The following SNRPN variants were observed in gnomAD, a reference collection of about 807,000 sequenced individuals.
SNRPN encodes the protein small nuclear ribonucleoprotein polypeptide N.
Under a neutral mutation model 25.2 loss-of-function variants are expected in SNRPN, and 7 were observed. The ratio of observed to expected loss-of-function variants is 0.28; its 90% CI spans 0.16 to 0.52. SNRPN has a LOEUF of 0.52. Ranked by LOEUF, SNRPN falls within the 20% of genes least tolerant of loss-of-function variation. The pLI is 0.96. For missense variants in SNRPN, 196 were observed against 322.5 expected (o/e 0.61, Z 3.00); for synonymous variants, 124 against 110.6 (o/e 1.12, Z -0.76).
intron 3 of SNRPN, among the ~76,000 whole-genome samples, chr15:24,933,121 T>C (rs925794026): frequency 8.6e-5 from 13 of 152,024 alleles, no homozygotes; most frequent in Non-Finnish European, 1.9e-4. Flanking sequence ...TAGCCGGGCT[T>C]GGAGGTGCGT....
upstream of SNRPN, among the ~76,000 whole-genome samples, chr15:24,951,763 C>G (rs1317639420): frequency 6.6e-6 from 1 of 152,164 alleles, no homozygotes; most frequent in Non-Finnish European, 1.5e-5. Flanking sequence ...CTGCCTCAGT[C>G]TCCCAAAGTG....
upstream of SNRPN, among the ~76,000 whole-genome samples, chr15:24,855,619 G>A (rs572864380): frequency 6.6e-5 from 10 of 151,816 alleles, no homozygotes; most frequent in African/African-American, 1.9e-4. Flanking sequence ...GCAAAATACC[G>A]TCTCTACTAA....
intron 2 of SNRPN, among the ~76,000 whole-genome samples, chr15:24,835,075 A>G (rs1172076640): frequency 1.9e-4 from 10 of 51,336 alleles, no homozygotes; most frequent in East Asian, 2.1e-3. Flanking sequence ...TATAGTATAT[A>G]TATCTATATA....
intron 1 of SNRPN, among the ~76,000 whole-genome samples, chr15:24,827,209 G>A (rs1401243726): frequency 6.6e-6 from 1 of 151,986 alleles, no homozygotes; most frequent in African/African-American, 2.4e-5. Context: ...GTACACTACT[G>A]TAGATTTAAG....
chr15:24,902,087 GA>G (rs1299482660), intron 2 of SNRPN, among the ~76,000 whole-genome samples: 4 of 152,180 alleles, frequency 2.6e-5, no homozygotes, highest in Non-Finnish European at 4.4e-5. Context: ...TTCGGGAGGG[GA>G]AAATGGAAAT....
At chr15:24,945,115 G>C (rs1179599777) in intron 3 of SNRPN, among the ~76,000 whole-genome samples, 1 of 152,076 alleles carries the variant, frequency 6.6e-6, no homozygotes, top group Non-Finnish European at 1.5e-5. Flanking sequence ...ATCACAGTCA[G>C]ATAACAAATG....
chr15:24,931,926 G>C (rs56162752), intron 3 of SNRPN, among the ~76,000 whole-genome samples: 40,025 of 150,490 alleles, frequency 0.27, 5,992 homozygotes, highest in South Asian at 0.43. Context: ...GAGTTGTGGG[G>C]TAGGGTATGC....
At chr15:24,846,939 C>A (rs966089283) in intron 2 of SNRPN, among the ~76,000 whole-genome samples, 19 of 152,180 alleles carry the variant, frequency 1.2e-4, no homozygotes, top group Admixed American at 6.5e-4. Context: ...GAGGCTCAGA[C>A]CCTGTACAGG....
intron 1 of SNRPN, among the ~76,000 whole-genome samples, chr15:24,857,119 T>G (rs2053476402): frequency 6.6e-6 from 1 of 152,224 alleles, no homozygotes; most frequent in Non-Finnish European, 1.5e-5. Flanking sequence ...CTGTGATTAT[T>G]TGCATTATAT....
chr15:24,851,631 A>G (rs555995935), upstream of SNRPN: 3 of 152,522 alleles, frequency 2.0e-5, no homozygotes, highest in South Asian at 6.2e-4. Flanking sequence ...AGGGCCGGCC[A>G]GCCCACTAAG....
chr15:24,840,014 G>C lies in SNRPN; in HGVS notation c.-579+10109G>C, dbSNP rs141052947. Among the ~76,000 whole-genome samples, 260 of 152,290 alleles carry C rather than the reference G, an allele frequency of 1.7e-3. 3 individuals carry two copies. Among genetic ancestry groups the C allele is most frequent in the African/African-American group, 5.9e-3 (247 of 41,564 alleles). On this transcript the variant is annotated intron_variant, in intron 2 of 12. Coordinates refer to the SNRPN transcript ENST00000400100. ...GTTTCATCTGGCATTCTGGCCACGA[G>C]GTGCCCAGTCCAAAACAGTACCCAA...
intron 3 of SNRPN, among the ~76,000 whole-genome samples, chr15:24,938,420 G>T (rs1420084741): frequency 1.3e-5 from 2 of 152,092 alleles, no homozygotes; most frequent in East Asian, 3.9e-4. Flanking sequence ...GAGCCACCAT[G>T]CCTGGCCTTC....
intron 2 of SNRPN, among the ~76,000 whole-genome samples, chr15:24,889,650 A>G (rs1259037593): frequency 6.6e-6 from 1 of 151,996 alleles, no homozygotes; most frequent in Non-Finnish European, 1.5e-5. Context: ...GGGATTGTGG[A>G]TCAATCATGC....
chr15:24,968,328 A>T (rs949380631), intron 3 of SNRPN: 1 of 297,968 alleles, frequency 3.4e-6, no homozygotes, highest in African/African-American at 2.2e-5. Flanking sequence ...CGTTTTTTTT[A>T]ATTATATAAA....
chr15:24,927,520 CT>C (rs2060497188), intron 3 of SNRPN, among the ~76,000 whole-genome samples: 3 of 73,736 alleles, frequency 4.1e-5, no homozygotes, highest in Admixed American at 1.5e-4. Flanking sequence ...TTTTTTTTTA[CT>C]TTTGACCACT....
chr15:24,878,454 CTT>C (rs1322272379), intron 1 of SNRPN, among the ~76,000 whole-genome samples: 1 of 152,246 alleles, frequency 6.6e-6, no homozygotes, highest in South Asian at 2.1e-4. Flanking sequence ...ATTGGGGCGC[CTT>C]TTCTCCTTCC....
At chr15:24,853,850 G>T (rs1377942340), upstream of SNRPN, among the ~76,000 whole-genome samples, 3 of 152,078 alleles carry the variant, frequency 2.0e-5, no homozygotes, top group Non-Finnish European at 4.4e-5. Context: ...ATTGCTATTT[G>T]TTACACTTCC....
rs191510100 is a variant in SNRPN at position 24,967,672 on chromosome 15, G to C, written c.-294-260G>C. On this transcript the variant is annotated intron_variant, in intron 2 of 9. Transcript: ENST00000390687. ...AAAAAAAAAAAATTAGCTGGGTGTG[G>C]TGGTAGGTGCCTGTAATCCCAGCTA... is the stretch of plus-strand genomic sequence containing the variant. Among the ~76,000 whole-genome samples, 668 of 151,174 alleles carry C rather than the reference G, an allele frequency of 4.4e-3. 9 individuals carry two copies. Among genetic ancestry groups the C allele is most frequent in the Non-Finnish European group, 3.8e-3 (259 of 67,824 alleles).
upstream of SNRPN, chr15:24,954,951 G>A (rs2062589580): frequency 7.1e-6 from 11 of 1,556,906 alleles, no homozygotes; most frequent in Admixed American, 5.4e-5. Context: ...AGGCGGGGAT[G>A]TGTGCGAAGC....
Sources: allele counts gnomAD v4.1 joint callset (sites outside exome capture counted in the v4.1 genomes callset), GRCh38; gene constraint gnomAD v4.1.1; transcripts MANE v1.5; gene names NCBI Gene and HGNC (gene_info 2026-07-23, HGNC 2026-07-21).